The following BNC2 variants were observed in gnomAD, a reference collection of about 807,000 sequenced individuals.
BNC2 encodes the protein basonuclin zinc finger protein 2.
BNC2 carries 20 observed loss-of-function variants against 76.3 expected under a neutral mutation model. That is an observed-to-expected ratio of 0.26 (90% confidence interval 0.18 to 0.38). The LOEUF is 0.38. Ranked by LOEUF, BNC2 falls within the 10% of genes least tolerant of loss-of-function variation. BNC2 has a pLI of 1.00. For synonymous variants in BNC2, 582 were observed against 514.8 expected (o/e 1.13, Z -1.77); for missense variants, 1,382 against 1,399.8 (o/e 0.99, Z 0.20).
intron 5 of BNC2, among the ~76,000 whole-genome samples, chr9:16,485,790 C>A (rs1292525721): frequency 2.6e-5 from 4 of 152,072 alleles, no homozygotes; most frequent in Admixed American, 2.6e-4. Flanking sequence ...GCCTGGGCAA[C>A]AGAGTGAGAC....
chr9:16,750,889 A>G (rs1453135627), intron 1 of BNC2, among the ~76,000 whole-genome samples: 1 of 152,230 alleles, frequency 6.6e-6, no homozygotes, highest in African/African-American at 2.4e-5. Context: ...TTACAGTAAC[A>G]CAGAAGTTTC....
intron 1 of BNC2, among the ~76,000 whole-genome samples, chr9:16,805,736 C>CACAT (rs1554738684): frequency 3.2e-4 from 48 of 151,908 alleles, no homozygotes; most frequent in African/African-American, 1.1e-3. Context: ...CACACACACA[C>CACAT]GCAAACACAG....
intron 5 of BNC2, among the ~76,000 whole-genome samples, chr9:16,496,168 C>A (rs544258546): frequency 6.6e-6 from 1 of 152,024 alleles, no homozygotes; most frequent in Admixed American, 6.5e-5. Flanking sequence ...CTCAGCCTCC[C>A]AAAGTGCTGG....
intron 3 of BNC2, among the ~76,000 whole-genome samples, chr9:16,670,264 T>C (rs935806349): frequency 6.6e-6 from 1 of 152,190 alleles, no homozygotes; most frequent in African/African-American, 2.4e-5. Flanking sequence ...AATTACCCTG[T>C]GGCAGAATTC....
At chr9:16,465,399 A>C (rs1007979012) in intron 5 of BNC2, among the ~76,000 whole-genome samples, 2 of 143,676 alleles carry the variant, frequency 1.4e-5, no homozygotes, top group Non-Finnish European at 3.0e-5. Context: ...TTGTGCAACT[A>C]CACTGTAGCC....
intron 5 of BNC2, among the ~76,000 whole-genome samples, chr9:16,543,624 A>G (rs1212880148): frequency 2.0e-5 from 3 of 152,158 alleles, no homozygotes; most frequent in Admixed American, 2.0e-4. Flanking sequence ...GCAAGAGTAA[A>G]GGGAGGAATA....
intron 5 of BNC2, among the ~76,000 whole-genome samples, chr9:16,496,212 T>C (rs112010934): frequency 2.0e-5 from 3 of 152,148 alleles, no homozygotes; most frequent in Admixed American, 6.6e-5. Flanking sequence ...CCCAGCCCTT[T>C]AGAATGTTTC....
At chr9:16,487,567 A>G (rs1563806482) in intron 5 of BNC2, among the ~76,000 whole-genome samples, 1 of 152,194 alleles carries the variant, frequency 6.6e-6, no homozygotes, top group Non-Finnish European at 1.5e-5. Context: ...TAATAGTTGA[A>G]TATTATTTTG....
chr9:16,439,032 G>C (rs1414541266), intron 5 of BNC2, among the ~76,000 whole-genome samples: 5 of 152,108 alleles, frequency 3.3e-5, no homozygotes, highest in Non-Finnish European at 7.4e-5. Flanking sequence ...ATGACAGTGA[G>C]TAAGTCTCAT....
At chr9:16,521,969 C>T (rs1157306035) in intron 5 of BNC2, among the ~76,000 whole-genome samples, 1 of 152,206 alleles carries the variant, frequency 6.6e-6, no homozygotes, top group Non-Finnish European at 1.5e-5. Flanking sequence ...TTGCCAGAGG[C>T]ACTCACTCAT....
Position 16,787,867 on chromosome 9 carries a change from C to T in BNC2, c.4-49382G>A, listed in dbSNP as rs565865201. Among the ~76,000 whole-genome samples the T allele has an allele frequency of 6.6e-5, 10 of 152,236 alleles. No homozygotes were observed. In the East Asian group the frequency reaches 1.9e-3, roughly 29 times the overall value. ...CGCCCTGCCCTTAGACAATATTAAT[C>T]AAGCACAGAATTATTTCCTTAGCCA... On this transcript the variant is annotated intron_variant, in intron 1 of 6. Transcript: ENST00000380672.
At chr9:16,812,774 G>C (rs143247314) in intron 1 of BNC2, among the ~76,000 whole-genome samples, 1 of 152,018 alleles carries the variant, frequency 6.6e-6, no homozygotes, top group African/African-American at 2.4e-5. Context: ...TATAACTTCT[G>C]AAAAATGTTA....
At chr9:16,453,726 A>T (rs1821389557) in intron 5 of BNC2, among the ~76,000 whole-genome samples, 1 of 152,220 alleles carries the variant, frequency 6.6e-6, no homozygotes, top group Non-Finnish European at 1.5e-5. Context: ...CTGAGGCAGG[A>T]GAACTGCTTG....
chr9:16,626,530 C>T (rs1820996742), intron 3 of BNC2: 2 of 152,172 alleles, frequency 1.3e-5, no homozygotes, highest in South Asian at 4.2e-4. Flanking sequence ...GAGGGTGAGA[C>T]AGAAAGGCAG....
At chr9:16,577,304 A>G (rs937683984) in intron 4 of BNC2, among the ~76,000 whole-genome samples, 22 of 152,214 alleles carry the variant, frequency 1.4e-4, no homozygotes, top group African/African-American at 4.8e-4. Flanking sequence ...CATATCAAGT[A>G]CAAGCTGAAA....
chr9:16,842,068 CCAA>C (rs968064475), intron 1 of BNC2, among the ~76,000 whole-genome samples: 1 of 152,176 alleles, frequency 6.6e-6, no homozygotes, highest in African/African-American at 2.4e-5. Flanking sequence ...CCTCGGCCTC[CCAA>C]AGTGCTGGTA....
chr9:16,779,875 G>A (rs568466358), intron 1 of BNC2, among the ~76,000 whole-genome samples: 1 of 152,248 alleles, frequency 6.6e-6, no homozygotes, highest in African/African-American at 2.4e-5. Context: ...AAGGGTACGG[G>A]TTTCTTTTCT....
chr9:16,690,779 T>C (rs1489096267), intron 3 of BNC2, among the ~76,000 whole-genome samples: 1 of 151,682 alleles, frequency 6.6e-6, no homozygotes, highest in Non-Finnish European at 1.5e-5. Context: ...TAAAAGAAAA[T>C]GGAAAAGAGT....
Position 16,765,888 on chromosome 9 carries a change from G to A in BNC2, c.4-27403C>T, listed in dbSNP as rs541424762. 6.7e-4 allele frequency among the ~76,000 whole-genome samples: 102 copies of A among 151,316 alleles called. 3 individuals are homozygous for A. The East Asian group carries it at 0.015, about 22-fold the overall frequency. On this transcript the variant is annotated intron_variant, in intron 1 of 6. Coordinates refer to ENST00000380672, the MANE Select transcript of BNC2 (RefSeq NM_017637.6). ...TGCAAGCTCTGCCTCCCGGGTTCAC[G>A]CCATTCTCCTGCCTCAGCCTCCGGA...
Sources: gnomAD v4.1 joint callset for allele counts (sites outside exome capture counted in the v4.1 genomes callset) on GRCh38, gnomAD v4.1.1 for gene constraint, MANE v1.5 for transcripts, NCBI Gene and HGNC (gene_info 2026-07-23, HGNC 2026-07-21) for gene names.